The following CENPF variants were observed in gnomAD, a reference collection of about 807,000 sequenced individuals.
The protein encoded by CENPF is centromere protein F.
In CENPF, 214 loss-of-function variants were observed where a neutral mutation model predicts 307.3. That is an observed-to-expected ratio of 0.70 (90% CI 0.62 to 0.78). The LOEUF (loss-of-function observed/expected upper bound fraction) is 0.78, where lower values mean the gene tolerates loss of function less well. Ranked by LOEUF, CENPF falls within the 30% of genes least tolerant of loss-of-function variation. CENPF has a pLI of 0.00. For missense variants in CENPF, 3,401 were observed against 3,483.9 expected (o/e 0.98, Z 0.60); for synonymous variants, 1,259 against 1,270.6 (o/e 0.99, Z 0.19).
rs1347880799 is a variant in CENPF, at chr1:214,659,545, G to A, written c.9141+517G>A. On this transcript the variant is annotated intron_variant, in intron 19 of 19. Coordinates refer to ENST00000366955, the MANE Select transcript of CENPF (RefSeq NM_016343.4). The surrounding 1 kb of genome is among the most constrained non-coding windows in gnomAD (Gnocchi z 4.4). The stretch of plus-strand genomic sequence containing the variant: ...TTGTTGAGGATACAACAGGATCTTA[G>A]TGACTTCTGTGTACCCTACAACATC... Among the ~76,000 whole-genome samples, 1 of 151,966 alleles carries A rather than the reference G, an allele frequency of 6.6e-6. No homozygotes were observed. Among genetic ancestry groups the A allele is most frequent in the Non-Finnish European group, 1.5e-5 (1 of 68,008 alleles).
At position 214,642,863 on chromosome 1, in the gene CENPF, T is replaced by A; in HGVS notation, c.4525T>A (p.Leu1509Met). ...LLEQTGDMSL[L>M]SNLEGAVSAN... ...AGAACAGACAGGAGATATGTCTCTT[T>A]TGAGTAATTTAGAAGGGGCTGTTTC... The change falls in exon 12 of 20, where the codon TTG becomes ATG. Residue 1509 changes from leucine to methionine, a missense_variant. Transcript: ENST00000366955. The A allele has an allele frequency of 6.2e-7, 1 of 1,614,010 alleles. No homozygotes were observed. Among genetic ancestry groups the A allele is most frequent in the Non-Finnish European group, 8.5e-7 (1 of 1,179,994 alleles).
In CENPF at chr1:214,655,781, A is replaced by G. The variant is rs866596464; in HGVS notation, c.8485+378A>G. Among the ~76,000 whole-genome samples the G allele has an allele frequency of 3.9e-5, 6 of 152,192 alleles. No individual in the cohort carries two copies. The Middle Eastern group carries it at 0.014, about 345-fold the overall frequency. ...AATTTTTGTATTTTTTGTAGAGACA[A>G]GGTTTTGCCATGTTGCCCAGGCTGG... On this transcript the variant is annotated intron_variant, in intron 17 of 19. Transcript: ENST00000366955.
intron 17 of CENPF, 143 bp downstream of exon 17, chr1:214,655,546 T>C: frequency 5.6e-6 from 4 of 720,142 alleles, no homozygotes; most frequent in Non-Finnish European, 6.2e-6. Context: ...CATTTTCCAA[T>C]TTCTGAATTT....
Position 214,664,244 on chromosome 1 carries a change from A to G in CENPF, c.*450A>G, listed in dbSNP as rs1033789197. ...TAGTTTTGTATCGGGAATTTCTCAG[A>G]GCTGAGTAAAATGAAGGAAAAGCAT... On this transcript the variant is annotated 3_prime_UTR_variant, in exon 20 of 20. Transcript: ENST00000366955. The G allele has an allele frequency of 1.3e-4, 20 of 156,610 alleles. No homozygotes were observed. Among genetic ancestry groups the G allele is most frequent in the Admixed American group, 1.1e-3 (17 of 16,008 alleles). 9.7% of individuals were successfully genotyped at this position (156,610 alleles called of 1,614,324 possible). A position where few individuals can be genotyped will look rare whatever the true frequency, so the allele number is the denominator to read the frequency against.
chr1:214,658,186 GAA>G (rs56752679), intron 18 of CENPF, among the ~76,000 whole-genome samples: 79,547 of 151,812 alleles, frequency 0.52, 21,557 homozygotes, highest in East Asian at 0.87. Flanking sequence ...GTTAAAGTGT[GAA>G]AAAAACAAAA....
chr1:214,603,264 C>G lies in CENPF; in HGVS notation c.-99C>G, dbSNP rs3748691. 31,589 of 152,254 alleles carry G rather than the reference C, an allele frequency of 0.21. 5,306 individuals are homozygous for G. The highest frequency in any genetic ancestry group is 0.46 in the African/African-American group (19,133 of 41,498). 9.4% of individuals were successfully genotyped at this position (152,254 alleles called of 1,614,324 possible). ...AATTAGACTCTGGGCTCCAGCCCGC[C>G]GAAGCCGCGCCAGAACTGTACTCTC... On this transcript the variant is annotated 5_prime_UTR_variant, in exon 1 of 20. Transcript: ENST00000366955.
intron 8 of CENPF, among the ~76,000 whole-genome samples, chr1:214,630,118 A>G (rs1405081498): frequency 6.6e-6 from 1 of 151,884 alleles, no homozygotes; most frequent in African/African-American, 2.4e-5. Context: ...CTGTCCTTCT[A>G]CATTTAAGCC....
intron 13 of CENPF, chr1:214,648,436 C>A: frequency 1.5e-6 from 1 of 664,846 alleles, no homozygotes; most frequent in Non-Finnish European, 2.7e-6. Flanking sequence ...TATTATCTTT[C>A]CTTGTCATTC....
rs535362171 is a variant in CENPF at position 214,651,465 on chromosome 1, G to A, written c.7984-245G>A. On this transcript the variant is annotated intron_variant, in intron 14 of 19. Transcript: ENST00000366955. ...TGGTTTAATTGAATTCAAGGTTTCAGAGTTTCTGTGGTCTCTGGATATGAC... is the reference window on the plus strand; with the variant it reads ...TGGTTTAATTGAATTCAAGGTTTCAAAGTTTCTGTGGTCTCTGGATATGAC... Among the ~76,000 whole-genome samples, 32 of 152,304 alleles carry A rather than the reference G, an allele frequency of 2.1e-4. 1 individual carries two copies. Among genetic ancestry groups the A allele is most frequent in the Admixed American group, 2.0e-3 (31 of 15,306 alleles).
chr1:214,620,552 A>T, intron 5 of CENPF, 103 bp from the exon 6 acceptor site: 2 of 1,185,172 alleles, frequency 1.7e-6, no homozygotes, highest in Non-Finnish European at 2.4e-6. Context: ...ATGCAGTGCA[A>T]CTGTTAACTT....
At position 214,652,849 on chromosome 1, in the gene CENPF, T is replaced by C; in HGVS notation, c.8182T>C (p.Tyr2728His). The C allele has an allele frequency of 6.3e-7, 1 of 1,596,372 alleles. No homozygotes were observed. Among genetic ancestry groups the C allele is most frequent in the Non-Finnish European group, 8.5e-7 (1 of 1,175,522 alleles). The change falls in exon 16 of 20, where the codon TAC becomes CAC. Residue 2728 changes from tyrosine (Y) to histidine (H), a missense_variant. Tyr to His is a moderately conservative substitution (Grantham distance 83). Coordinates refer to ENST00000366955, the MANE Select transcript of CENPF (RefSeq NM_016343.4). Reference protein sequence around the residue: ...NKQYEVEIQTYREKLTSKEEC... With the variant: ...NKQYEVEIQTHREKLTSKEEC... ...CTAGTATGAAGTAGAAATCCAGACA[T>C]ACCGAGAGAAATTGACTTCTAAAGA...
At chr1:214,612,486 A>G (rs1571693848) in intron 1 of CENPF, among the ~76,000 whole-genome samples, 2 of 152,114 alleles carry the variant, frequency 1.3e-5, no homozygotes, top group South Asian at 4.1e-4. Context: ...GCCTCATAGA[A>G]TGAGTTGAGG....
In CENPF at chr1:214,640,248, A is replaced by G. The variant is rs1307459354; in HGVS notation, c.1910A>G (p.Lys637Arg). ...EKLLTQMESE[K>R]ENLQSKINHL... Reference sequence around the variant, plus strand: ...CTTTTAACTCAGATGGAATCAGAAAAGGAAAACTTGCAGAGTAAAATTAAT... The same window carrying G: ...CTTTTAACTCAGATGGAATCAGAAAGGGAAAACTTGCAGAGTAAAATTAAT... Residue 637 changes from lysine (K) to arginine (R), a missense_variant, in exon 12 of 20, where the codon AAG becomes AGG. Lys to Arg is a conservative substitution (Grantham distance 26, BLOSUM62 2). Transcript: ENST00000366955. The G allele has an allele frequency of 1.9e-6, 3 of 1,612,998 alleles. No individual in the cohort carries two copies. The highest frequency in any genetic ancestry group is 1.7e-4 in the Middle Eastern group (1 of 6,054).
At position 214,651,713 on chromosome 1, in the gene CENPF, CA is replaced by C. The variant is rs748027238; in HGVS notation, c.7989del (p.Gln2663HisfsTer2). 2.5e-6 allele frequency: 4 copies of C among 1,572,524 alleles called. No individual in the cohort carries two copies. In the African/African-American group the frequency reaches 5.5e-5, roughly 22 times the overall value. Reference protein sequence around the residue: ...LLEEIKSSKDQLKELTLENSE... With the variant: ...LLEEIKSSKDXLKELTLENSE... Reference sequence around the variant, plus strand: ...ATTTTATTATTTTTCTGTTTAGGATCAATTGAAGGAGCTCACACTAGAAAAT... The same window carrying C: ...ATTTTATTATTTTTCTGTTTAGGATCATTGAAGGAGCTCACACTAGAAAAT... On this transcript the variant is annotated frameshift_variant, in exon 15 of 20. Transcript: ENST00000366955. LOFTEE classifies it high-confidence loss of function.
chr1:214,633,782 GT>G (rs1278990292), intron 10 of CENPF, among the ~76,000 whole-genome samples: 1 of 152,196 alleles, frequency 6.6e-6, no homozygotes, highest in Non-Finnish European at 1.5e-5. Context: ...ATCAGCAAAC[GT>G]TTTCAAATGG....
At chr1:214,603,948 C>T (rs1656956346) in intron 1 of CENPF, among the ~76,000 whole-genome samples, 1 of 152,106 alleles carries the variant, frequency 6.6e-6, no homozygotes, top group Non-Finnish European at 1.5e-5. Context: ...CAAGCATGAG[C>T]CACTACGCCC....
Position 214,645,870 on chromosome 1 carries a change from A to G in CENPF, c.6300A>G (p.Lys2100=), listed in dbSNP as rs1658281253. ...SKALEAALVE[K]GEFALRLSST... ...CCTTGGAGGCCGCACTGGTGGAGAA[A>G]GGTGAGTTCGCATTGAGGCTGAGCT... Residue 2100 remains lysine, a synonymous_variant, in exon 13 of 20, where the codon AAA becomes AAG. Coordinates refer to ENST00000366955, the MANE Select transcript of CENPF (RefSeq NM_016343.4). 6.2e-7 allele frequency: 1 copy of G among 1,614,158 alleles called. No homozygotes were observed. Among genetic ancestry groups the G allele is most frequent in the Non-Finnish European group, 8.5e-7 (1 of 1,180,026 alleles).
At chr1:214,634,673 G>A (rs1214908036) in intron 10 of CENPF, among the ~76,000 whole-genome samples, 1 of 152,222 alleles carries the variant, frequency 6.6e-6, no homozygotes, top group Non-Finnish European at 1.5e-5. Context: ...TCACTGCCAT[G>A]ACCTTTTGAT....
chr1:214,646,114 G>A lies in CENPF; in HGVS notation c.6544G>A (p.Ala2182Thr), dbSNP rs758576917. Residue 2182 changes from alanine (A) to threonine (T), a missense_variant, in exon 13 of 20, where the codon GCA (alanine) becomes ACA (threonine). Physicochemically the swap from Ala to Thr is moderately conservative, Grantham distance 58. Coordinates refer to ENST00000366955, the MANE Select transcript of CENPF (RefSeq NM_016343.4). Reference sequence around the variant, plus strand: ...GATTCTTGATGCCGAGAATTCCAAAGCAGAAGTAGAGACTCTAAAAACACA... The same window carrying A: ...GATTCTTGATGCCGAGAATTCCAAAACAGAAGTAGAGACTCTAAAAACACA... ...LVILDAENSK[A>T]EVETLKTQIE... 1.3e-5 allele frequency: 21 copies of A among 1,613,932 alleles called. No homozygotes were observed. The South Asian group carries it at 2.1e-4, about 16-fold the overall frequency.
Sources: gnomAD v4.1 joint callset for allele counts (sites outside exome capture counted in the v4.1 genomes callset) on GRCh38, gnomAD v4.1.1 for gene constraint, Gnocchi (gnomAD v3.1) non-coding constraint, MANE v1.5 for transcripts, NCBI Gene and HGNC (gene_info 2026-07-23, HGNC 2026-07-21) for gene names.